Variants in GNA14 observed in about 807,000 individuals in gnomAD.
GNA14 encodes the protein guanine nucleotide-binding protein subunit alpha-14.
GNA14 carries 50 observed loss-of-function variants against 42.0 expected under a neutral mutation model. The observed-to-expected ratio is 1.19, with a 90% CI of 0.95 to 1.51. The LOEUF (loss-of-function observed/expected upper bound fraction) is 1.51. GNA14 is among the 40% of genes most tolerant of loss of function. GNA14 has a pLI of 0.00. For missense variants in GNA14, 473 were observed against 446.2 expected (o/e 1.06, Z -0.54); for synonymous variants, 173 against 163.1 (o/e 1.06, Z -0.46).
chr9:77,641,157 GA>G (rs1824261065), intron 1 of GNA14, among the ~76,000 whole-genome samples: 1 of 134,062 alleles, frequency 7.5e-6, no homozygotes, highest in Non-Finnish European at 1.6e-5. Flanking sequence ...AGGAAGGAAG[GA>G]AGGAAGGAAG....
rs539524875 is a variant in GNA14, at chr9:77,437,648, A to C, written c.310-3126T>G. 1.3e-5 allele frequency among the ~76,000 whole-genome samples: 2 copies of C among 152,172 alleles called. 1 individual carries two copies. Among genetic ancestry groups the C allele is most frequent in the South Asian group, 4.2e-4 (2 of 4,810 alleles). The stretch of plus-strand genomic sequence containing the variant: ...AAAGAAAGAAAGAAAAAAGGAAGGA[A>C]GGAAAGAAAGAAAGAAACTTATAAA... On this transcript the variant is annotated intron_variant, in intron 2 of 6. Coordinates refer to ENST00000341700, the MANE Select transcript of GNA14 (RefSeq NM_004297.4).
intron 1 of GNA14, among the ~76,000 whole-genome samples, chr9:77,605,368 T>C (rs867721290): frequency 6.6e-6 from 1 of 152,194 alleles, no homozygotes; most frequent in African/African-American, 2.4e-5. Flanking sequence ...ACCCCGGTGA[T>C]GGGGTTCAGG....
intron 2 of GNA14, among the ~76,000 whole-genome samples, chr9:77,450,784 G>A (rs112640320): frequency 0.013 from 2,018 of 152,062 alleles, 17 homozygotes; most frequent in Non-Finnish European, 0.02. Context: ...CCCATGTGTC[G>A]TGGGAGGGAA....
intron 2 of GNA14, among the ~76,000 whole-genome samples, chr9:77,515,118 C>A (rs1378311570): frequency 6.7e-6 from 1 of 150,126 alleles, no homozygotes; most frequent in Non-Finnish European, 1.5e-5. Context: ...GCCTTAAGGT[C>A]AACTGCATGG....
intron 1 of GNA14, among the ~76,000 whole-genome samples, chr9:77,608,619 T>C (rs1823676112): frequency 6.6e-6 from 1 of 152,154 alleles, no homozygotes; most frequent in African/African-American, 2.4e-5. Context: ...GCAGCTCTGA[T>C]GCTCTCCAAA....
At chr9:77,624,128 C>A (rs2117984150) in intron 1 of GNA14, among the ~76,000 whole-genome samples, 1 of 152,242 alleles carries the variant, frequency 6.6e-6, no homozygotes, top group South Asian at 2.1e-4. Context: ...AGGGTTTCCC[C>A]CTCACAGTGT....
intron 2 of GNA14, among the ~76,000 whole-genome samples, chr9:77,497,799 A>C (rs1373832743): frequency 1.3e-5 from 2 of 152,198 alleles, no homozygotes; most frequent in Non-Finnish European, 2.9e-5. Context: ...TGACTTTATG[A>C]CCTAAAAACT....
At position 77,569,112 on chromosome 9, in the gene GNA14, G is replaced by C. The variant is rs141256959; in HGVS notation, c.125-39859C>G. On this transcript the variant is annotated intron_variant, in intron 1 of 6. Coordinates refer to ENST00000341700, the MANE Select transcript of GNA14 (RefSeq NM_004297.4). ...GTTAAAGAGCTCCGCCACCCCAGAT[G>C]CATTTTAAACTGAATCTCCAGCCTC... Among the ~76,000 whole-genome samples the C allele has an allele frequency of 5.6e-3, 842 of 150,572 alleles. 4 individuals carry two copies. The highest frequency in any genetic ancestry group is 8.2e-3 in the Non-Finnish European group (559 of 67,786).
chr9:77,513,159 C>G (rs12685689), intron 2 of GNA14, among the ~76,000 whole-genome samples: 1 of 152,100 alleles, frequency 6.6e-6, no homozygotes, highest in Non-Finnish European at 1.5e-5. Context: ...ATAGAGAATC[C>G]AAGACAGAGA....
intron 1 of GNA14, among the ~76,000 whole-genome samples, chr9:77,601,189 T>G (rs1035807970): frequency 1.5e-4 from 23 of 152,284 alleles, no homozygotes; most frequent in African/African-American, 4.8e-4. Flanking sequence ...GTTGTTTTTG[T>G]TTTTTTGTTT....
chr9:77,535,421 G>A (rs1040789543), intron 1 of GNA14, among the ~76,000 whole-genome samples: 2 of 152,170 alleles, frequency 1.3e-5, no homozygotes, highest in East Asian at 1.9e-4. Context: ...GCGGGCGCCT[G>A]TAGTCCCAGC....
Position 77,623,216 on chromosome 9 carries a change from C to CAAAAAAAAAAAAAAAAAAAAAAAAA in GNA14, c.124+24429_124+24453dup, listed in dbSNP as rs34368561. 3.0e-4 allele frequency among the ~76,000 whole-genome samples: 8 copies of CAAAAAAAAAAAAAAAAAAAAAAAAA among 26,854 alleles called. 3 individuals carry two copies. Among genetic ancestry groups the CAAAAAAAAAAAAAAAAAAAAAAAAA allele is most frequent in the Non-Finnish European group, 9.0e-4 (7 of 7,782 alleles). The allele number at this position is 26,854 out of a possible 152,430, so 17.6% of individuals were successfully genotyped here. ...TGGGCAAAAGAGTGAGACGCTGTCT[C>CAAAAAAAAAAAAAAAAAAAAAAAAA]AAAAAAAAAAAAAAAAAAAAAAAAA... is the stretch of plus-strand genomic sequence containing the variant. On this transcript the variant is annotated intron_variant, in intron 1 of 6. Transcript: ENST00000341700.
At chr9:77,539,879 T>A (rs546923586) in intron 1 of GNA14, among the ~76,000 whole-genome samples, 1 of 152,302 alleles carries the variant, frequency 6.6e-6, no homozygotes, top group East Asian at 1.9e-4. Flanking sequence ...TTGGGTTTTC[T>A]CTCTTCTTGG....
chr9:77,531,998 C>T (rs1045653375), intron 1 of GNA14, among the ~76,000 whole-genome samples: 2 of 152,102 alleles, frequency 1.3e-5, no homozygotes, highest in Admixed American at 6.5e-5. Context: ...CAAAAGAGGG[C>T]AGAGTAAAGG....
intron 2 of GNA14, among the ~76,000 whole-genome samples, chr9:77,489,490 G>A (rs944864517): frequency 6.6e-6 from 1 of 152,228 alleles, no homozygotes; most frequent in Non-Finnish European, 1.5e-5. Flanking sequence ...ACTTTCAAAA[G>A]CAAAGGACAA....
chr9:77,470,392 G>A (rs1205844997), intron 2 of GNA14, among the ~76,000 whole-genome samples: 1 of 152,224 alleles, frequency 6.6e-6, no homozygotes, highest in Non-Finnish European at 1.5e-5. Flanking sequence ...AACAGCACAG[G>A]TGAGAAATGA....
intron 2 of GNA14, among the ~76,000 whole-genome samples, chr9:77,528,632 A>T (rs1270821608): frequency 6.6e-6 from 1 of 152,122 alleles, no homozygotes; most frequent in African/African-American, 2.4e-5. Context: ...GAACAAACAA[A>T]CAAAACCCAC....
At chr9:77,516,295 G>C (rs1054338195) in intron 2 of GNA14, among the ~76,000 whole-genome samples, 1 of 152,176 alleles carries the variant, frequency 6.6e-6, no homozygotes, top group African/African-American at 2.4e-5. Context: ...CTATGGGTTA[G>C]GTCTCCTTGT....
intron 1 of GNA14, among the ~76,000 whole-genome samples, chr9:77,630,242 C>T (rs1235130063): frequency 1.3e-5 from 2 of 151,898 alleles, no homozygotes; most frequent in African/African-American, 4.8e-5. Flanking sequence ...TTCAGCCTCC[C>T]GAGTAGCTGG....
Sources: gnomAD v4.1 joint callset for allele counts (sites outside exome capture counted in the v4.1 genomes callset) on GRCh38, gnomAD v4.1.1 for gene constraint, MANE v1.5 for transcripts, NCBI Gene and HGNC (gene_info 2026-07-23, HGNC 2026-07-21) for gene names.